MLPH: variants seen among roughly 807,000 people sequenced by gnomAD.
MLPH encodes the protein exophilin-3.
A neutral mutation model predicts 72.1 loss-of-function variants in MLPH; 51 were observed. The ratio of observed to expected loss-of-function variants is 0.71; its 90% CI spans 0.56 to 0.89. The LOEUF (loss-of-function observed/expected upper bound fraction) is 0.89, where lower values mean the gene tolerates loss of function less well. Among genes scored for constraint, MLPH ranks in the 40% least tolerant of loss-of-function variants. The probability of loss-of-function intolerance (pLI) is 0.00; values close to 1 mark genes in which losing one functional copy is unlikely to be tolerated. For synonymous variants in MLPH, 301 were observed against 310.1 expected (o/e 0.97, Z 0.31); for missense variants, 743 against 759.9 (o/e 0.98, Z 0.26).
Position 237,527,422 on chromosome 2 carries a change from C to A in MLPH, c.926C>A (p.Ala309Asp), listed in dbSNP as rs1020092142. 6.2e-7 allele frequency: 1 copy of A among 1,614,176 alleles called. No individual in the cohort carries two copies. Among genetic ancestry groups the A allele is most frequent in the Non-Finnish European group, 8.5e-7 (1 of 1,180,030 alleles). Residue 309 changes from alanine to aspartate, a missense_variant, in exon 8 of 16, where the codon GCC (alanine) becomes GAC (aspartate). Physicochemically the swap from Ala to Asp is moderately radical, Grantham distance 126. Transcript: ENST00000264605. The stretch of plus-strand genomic sequence containing the variant: ...GAGCAGCTGCCCCTGCAGTACTTGG[C>A]CGATGTGGACACCTCTGATGAGGAA... ...RNEQLPLQYL[A>D]DVDTSDEESI...
chr2:237,503,122 A>C (rs115310748), intron 2 of MLPH, among the ~76,000 whole-genome samples: 1 of 152,176 alleles, frequency 6.6e-6, no homozygotes, highest in Non-Finnish European at 1.5e-5. Context: ...CCATCTCAAA[A>C]ATAAATACAT....
At chr2:237,546,266 CAG>C (rs1288697297) in intron 12 of MLPH, 1 of 378,796 alleles carries the variant, frequency 2.6e-6, no homozygotes, top group Non-Finnish European at 5.0e-6. Flanking sequence ...AGGTGAGCCT[CAG>C]GGGGATGACT....
At chr2:237,525,457 C>A in intron 6 of MLPH, 144 bp from the exon 7 acceptor site, 1 of 739,566 alleles carries the variant, frequency 1.4e-6, no homozygotes, top group Non-Finnish European at 2.3e-6. Context: ...AACTGAGTGG[C>A]AGGGGCCAGC....
intron 4 of MLPH, among the ~76,000 whole-genome samples, chr2:237,517,746 TGGATGG>T (rs2080079985): frequency 7.8e-6 from 1 of 128,866 alleles, no homozygotes; most frequent in African/African-American, 2.8e-5. Flanking sequence ...GATGGATGGA[TGGATGG>T]ATGGATGGAT....
chr2:237,507,754 T>G (rs1002618415), intron 2 of MLPH, among the ~76,000 whole-genome samples: 1 of 152,248 alleles, frequency 6.6e-6, no homozygotes, highest in African/African-American at 2.4e-5. Flanking sequence ...GTTTTATTAC[T>G]GGCAATAAAT....
rs2081098014 is a variant in MLPH at position 237,554,795 on chromosome 2, T to G, written c.*1203T>G. 6.6e-6 allele frequency: 1 copy of G among 152,124 alleles called. No individual in the cohort carries two copies. The highest frequency in any genetic ancestry group is 2.4e-5 in the African/African-American group (1 of 41,416). 9.4% of individuals were successfully genotyped at this position (152,124 alleles called of 1,614,324 possible). Reference sequence around the variant, plus strand: ...AGACACTTCCAGGAGCTTTCCAATCTCTCACTTAAAACTAAGGTTTGAATC... The same window carrying G: ...AGACACTTCCAGGAGCTTTCCAATCGCTCACTTAAAACTAAGGTTTGAATC... On this transcript the variant is annotated 3_prime_UTR_variant, in exon 16 of 16. Coordinates refer to ENST00000264605, the MANE Select transcript of MLPH (RefSeq NM_024101.7).
rs1425786907 is a variant in MLPH at position 237,512,391 on chromosome 2, G to T, written c.445+1290G>T. 6.6e-6 allele frequency among the ~76,000 whole-genome samples: 1 copy of T among 152,198 alleles called. No individual in the cohort carries two copies. Among genetic ancestry groups the T allele is most frequent in the Non-Finnish European group, 1.5e-5 (1 of 68,040 alleles). ...AGAGGCACCGCTGGAGCAGTACACC[G>T]CACACCACAGGGTGGCTGCACTTTT... On this transcript the variant is annotated intron_variant, in intron 4 of 15. Coordinates refer to ENST00000264605, the MANE Select transcript of MLPH (RefSeq NM_024101.7). The surrounding 1 kb of genome is among the most constrained non-coding windows in gnomAD (Gnocchi z 5.5).
At chr2:237,548,561 G>A (rs954503951) in intron 13 of MLPH, among the ~76,000 whole-genome samples, 2 of 152,150 alleles carry the variant, frequency 1.3e-5, no homozygotes, top group Admixed American at 1.3e-4. Context: ...AGGAGACCGA[G>A]GTTCAGAGAG....
chr2:237,517,610 T>G (rs1303112236), intron 4 of MLPH, among the ~76,000 whole-genome samples: 5 of 149,630 alleles, frequency 3.3e-5, no homozygotes, highest in Non-Finnish European at 7.4e-5. Flanking sequence ...GGATGAGTGG[T>G]GGGTGGATGG....
Position 237,512,835 on chromosome 2 carries a change from C to T in MLPH, c.445+1734C>T, listed in dbSNP as rs764796386. ...CAGGAAGCTGTATTATTTCAAAGGA[C>T]GCAGTGTTTCCACAGCTCAGCCCAG... On this transcript the variant is annotated intron_variant, in intron 4 of 15. Coordinates refer to ENST00000264605, the MANE Select transcript of MLPH (RefSeq NM_024101.7). The surrounding 1 kb of genome is among the most constrained non-coding windows in gnomAD (Gnocchi z 5.5). Among the ~76,000 whole-genome samples, 3 of 152,178 alleles carry T rather than the reference C, an allele frequency of 2.0e-5. No individual in the cohort carries two copies. The highest frequency in any genetic ancestry group is 2.1e-4 in the South Asian group (1 of 4,824).
intron 7 of MLPH, among the ~76,000 whole-genome samples, chr2:237,526,647 G>T (rs1221594221): frequency 1.3e-5 from 2 of 152,150 alleles, no homozygotes; most frequent in Non-Finnish European, 2.9e-5. Context: ...TGGGGGAGAG[G>T]CCATCGTGCT....
Position 237,511,117 on chromosome 2 carries a change from T to G in MLPH, c.445+16T>G. 1 of 1,597,456 alleles carries G rather than the reference T, an allele frequency of 6.3e-7. No homozygotes were observed. The highest frequency in any genetic ancestry group is 8.6e-7 in the Non-Finnish European group (1 of 1,165,396). Reference sequence around the variant, plus strand: ...CAGGGTGGAGGTAAGGAGTGGAGAGTAAGAACGGCTTTTTGTTCCCAGGCA... The same window carrying G: ...CAGGGTGGAGGTAAGGAGTGGAGAGGAAGAACGGCTTTTTGTTCCCAGGCA... On this transcript the variant is annotated intron_variant, in intron 4 of 15. Coordinates refer to ENST00000264605, the MANE Select transcript of MLPH (RefSeq NM_024101.7).
At chr2:237,549,022 CT>C (rs2080978971) in intron 13 of MLPH, among the ~76,000 whole-genome samples, 198 bp from the exon 14 acceptor site, 1 of 152,258 alleles carries the variant, frequency 6.6e-6, no homozygotes, top group Non-Finnish European at 1.5e-5. Context: ...AGCTGAGCAT[CT>C]CTTATTTCAG....
chr2:237,513,612 C>T (rs2106301472), intron 4 of MLPH, among the ~76,000 whole-genome samples: 1 of 151,996 alleles, frequency 6.6e-6, no homozygotes, highest in East Asian at 1.9e-4. Flanking sequence ...ATAATGTTGC[C>T]CCCTTGGCCC....
intron 2 of MLPH, among the ~76,000 whole-genome samples, chr2:237,493,798 A>G (rs1358893338): frequency 1.3e-5 from 2 of 152,250 alleles, no homozygotes; most frequent in Admixed American, 6.5e-5. Flanking sequence ...ATCCTAAGCC[A>G]GGTGATACTT....
At chr2:237,498,588 A>T (rs148564900) in intron 2 of MLPH, among the ~76,000 whole-genome samples, 345 of 152,314 alleles carry the variant, frequency 2.3e-3, no homozygotes, top group Non-Finnish European at 3.9e-3. Flanking sequence ...TGTGCTGTGG[A>T]CATTCGGTGA....
chr2:237,550,383 G>C (rs547345712), intron 14 of MLPH, among the ~76,000 whole-genome samples: 14 of 152,182 alleles, frequency 9.2e-5, no homozygotes, highest in Non-Finnish European at 1.9e-4. Flanking sequence ...CTGGTGCCCA[G>C]GGCCCTTTGG....
At chr2:237,533,179 CA>C (rs1327042180) in intron 8 of MLPH, among the ~76,000 whole-genome samples, 1 of 152,140 alleles carries the variant, frequency 6.6e-6, no homozygotes, top group Non-Finnish European at 1.5e-5. Context: ...GGCGCCCACC[CA>C]CGTTAGACTC....
chr2:237,553,974 G>A lies in MLPH; in HGVS notation c.*382G>A, dbSNP rs1472825802. The A allele has an allele frequency of 2.6e-6, 1 of 384,338 alleles. No homozygotes were observed. The highest frequency in any genetic ancestry group is 5.0e-6 in the Non-Finnish European group (1 of 199,524). The allele number at this position is 384,338 out of a possible 1,614,324, so 23.8% of individuals were successfully genotyped here. A position where few individuals can be genotyped will look rare whatever the true frequency, so the allele number is the denominator to read the frequency against. On this transcript the variant is annotated 3_prime_UTR_variant, in exon 16 of 16. Transcript: ENST00000264605. The stretch of plus-strand genomic sequence containing the variant: ...GCTTTCATGAATGGAATGGAAAAAA[G>A]ATGACTCAGTTAAGGCACCAGCCAT...
Sources: allele counts gnomAD v4.1 joint callset (sites outside exome capture counted in the v4.1 genomes callset), GRCh38; gene constraint gnomAD v4.1.1; non-coding constraint Gnocchi (gnomAD v3.1); transcripts MANE v1.5; gene names NCBI Gene and HGNC (gene_info 2026-07-23, HGNC 2026-07-21).